Variants in MID2 observed in about 807,000 individuals in gnomAD.
The protein encoded by MID2 is probable E3 ubiquitin-protein ligase MID2.
A neutral mutation model predicts 46.1 loss-of-function variants in MID2; 13 were observed. The ratio of observed to expected loss-of-function variants is 0.28; its 90% CI spans 0.18 to 0.45. The LOEUF (loss-of-function observed/expected upper bound fraction) is 0.45, where lower values mean the gene tolerates loss of function less well. Among genes scored for constraint, MID2 ranks in the 20% least tolerant of loss-of-function variants. The pLI, the probability that MID2 is intolerant of heterozygous loss-of-function variation, is 1.00. For synonymous variants in MID2, 199 were observed against 212.3 expected (o/e 0.94, Z 0.55); for missense variants, 431 against 575.4 (o/e 0.75, Z 2.57).
intron 3 of MID2, among the ~76,000 whole-genome samples, chrX:107,863,707 C>A (rs928025649): frequency 6.2e-5 from 7 of 112,493 alleles, no homozygotes; most frequent in African/African-American, 2.3e-4. Context: ...CTAATCTCTC[C>A]TGCCATCAAC....
intron 3 of MID2, among the ~76,000 whole-genome samples, chrX:107,881,592 T>G (rs186921660): frequency 8.9e-6 from 1 of 112,437 alleles, no homozygotes; most frequent in East Asian, 2.8e-4. Flanking sequence ...ATCTGCCTTT[T>G]CATAAAGGAC....
chrX:107,915,328 G>T (rs990746623), intron 5 of MID2, among the ~76,000 whole-genome samples: 1 of 112,009 alleles, frequency 8.9e-6, no homozygotes, highest in Admixed American at 9.4e-5. Flanking sequence ...AGGCCAAAAC[G>T]GGTGGATCAC....
At chrX:107,846,262 G>C (rs1931475340) in intron 2 of MID2, among the ~76,000 whole-genome samples, 1 of 111,512 alleles carries the variant, frequency 9.0e-6, no homozygotes, top group South Asian at 3.8e-4. Context: ...GGTTACCATA[G>C]GTGAGGGAAA....
At position 107,917,743 on chromosome X, in the gene MID2, A is replaced by G. The variant is rs780207663; in HGVS notation, c.1435+4A>G. 4.2e-6 allele frequency: 5 copies of G among 1,200,040 alleles called. No individual in the cohort carries two copies. Among genetic ancestry groups the G allele is most frequent in the Non-Finnish European group, 5.6e-6 (5 of 885,772 alleles). On this transcript the variant is annotated splice_donor_region_variant and intron_variant, in intron 7 of 9. Coordinates refer to ENST00000262843, the MANE Select transcript of MID2 (RefSeq NM_012216.4). Reference sequence around the variant, plus strand: ...AGATTGGCCGGGGCGCCACGAGGCAAGTGTTTGTAAGACATGTTAGGTTGT... The same window carrying G: ...AGATTGGCCGGGGCGCCACGAGGCAGGTGTTTGTAAGACATGTTAGGTTGT...
chrX:107,839,183 A>G (rs1931272925), intron 1 of MID2, among the ~76,000 whole-genome samples: 1 of 110,596 alleles, frequency 9.0e-6, no homozygotes, highest in African/African-American at 3.3e-5. Flanking sequence ...AGTCAGTAAG[A>G]TATGTTTTAT....
intron 3 of MID2, chrX:107,895,555 A>G (rs766165424): frequency 1.3e-4 from 15 of 112,101 alleles, no homozygotes; most frequent in Non-Finnish European, 2.6e-4. Context: ...ATATTCTACA[A>G]TTTGTTTATA....
chrX:107,889,734 C>G (rs972307721), intron 3 of MID2, among the ~76,000 whole-genome samples: 2 of 112,188 alleles, frequency 1.8e-5, no homozygotes, highest in African/African-American at 6.5e-5. Flanking sequence ...GTTCCATTCT[C>G]CCCGTCACTT....
chrX:107,854,729 T>C, intron 3 of MID2, 25 bp downstream of exon 3: 1 of 1,108,113 alleles, frequency 9.0e-7, no homozygotes, highest in Non-Finnish European at 1.2e-6. Context: ...CATTTGTGAT[T>C]TTTCAGAGGA....
chrX:107,828,310 CTTTTTTTTTTT>C (rs766362742), intron 1 of MID2, among the ~76,000 whole-genome samples: 2 of 83,023 alleles, frequency 2.4e-5, no homozygotes, highest in African/African-American at 1.1e-4. Context: ...TCTTTCTTTT[CTTTTTTTTTTT>C]TTTTTTTTGA....
At chrX:107,847,098 C>T (rs758315646) in intron 2 of MID2, among the ~76,000 whole-genome samples, 13 of 112,376 alleles carry the variant, frequency 1.2e-4, no homozygotes, top group African/African-American at 2.3e-4. Context: ...CTTTGTCTCA[C>T]ATGAAGCTAG....
At chrX:107,871,318 G>A (rs894496802) in intron 3 of MID2, among the ~76,000 whole-genome samples, 2 of 111,578 alleles carry the variant, frequency 1.8e-5, no homozygotes, top group Non-Finnish European at 3.8e-5. Context: ...TGGCCCCACC[G>A]TGTTCCACGC....
At position 107,889,468 on chromosome X, in the gene MID2, T is replaced by C. The variant is rs1932545703; in HGVS notation, c.817-14490T>C. ...TTGGCCCCCACTCTCTTCTGGCTTG[T>C]AGAGTTTCTGCCGAGAGATCCGCTG... On this transcript the variant is annotated intron_variant, in intron 3 of 9. Coordinates refer to ENST00000262843, the MANE Select transcript of MID2 (RefSeq NM_012216.4). Among the ~76,000 whole-genome samples, 3 of 112,118 alleles carry C rather than the reference T, an allele frequency of 2.7e-5. No individual in the cohort carries two copies. The East Asian group carries it at 8.4e-4, about 31-fold the overall frequency.
intron 1 of MID2, among the ~76,000 whole-genome samples, chrX:107,834,047 G>A (rs1379813853): frequency 9.0e-6 from 1 of 111,413 alleles, no homozygotes; most frequent in Non-Finnish European, 1.9e-5. Flanking sequence ...GCCTGCCTCT[G>A]CCTCCCAAAG....
chrX:107,928,403 A>AT lies in MID2; in HGVS notation c.*1341dup, dbSNP rs1187219390. Among the ~76,000 whole-genome samples, 68 of 107,506 alleles carry AT rather than the reference A, an allele frequency of 6.3e-4. No homozygotes were observed. The highest frequency in any genetic ancestry group is 8.0e-4 in the South Asian group (2 of 2,512). 93.4% of individuals were successfully genotyped at this position (107,506 alleles called of 115,157 possible). ...AGGGAATGGAGCCTTGTAGTCTATG[A>AT]TTTTTTTTTTTAAATTTCCATCGAA... is the stretch of plus-strand genomic sequence containing the variant. On this transcript the variant is annotated 3_prime_UTR_variant, in exon 10 of 10. Transcript: ENST00000262843.
intron 5 of MID2, among the ~76,000 whole-genome samples, chrX:107,911,422 T>C (rs1932895952): frequency 1.8e-5 from 2 of 112,069 alleles, no homozygotes; most frequent in African/African-American, 6.5e-5. Flanking sequence ...CATTAAATCC[T>C]TCTATTGAAA....
At position 107,926,118 on chromosome X, in the gene MID2, A is replaced by G. The variant is rs1177272734; in HGVS notation, c.1622A>G (p.Lys541Arg). The G allele has an allele frequency of 2.5e-6, 3 of 1,207,832 alleles. No individual in the cohort carries two copies. Among genetic ancestry groups the G allele is most frequent in the African/African-American group, 1.7e-5 (1 of 57,502 alleles). The part of the protein sequence containing the change: ...TNSQPFKLDP[K>R]MTHKKLKISN... The stretch of plus-strand genomic sequence containing the variant: ...GGCCAACCCTTTAAATTGGATCCCA[A>G]AATGACTCACAAGAAGTTGAAGATC... Residue 541 changes from lysine (K) to arginine (R), a missense_variant, in exon 9 of 10, where the codon AAA becomes AGA. Lys to Arg is a conservative substitution (Grantham distance 26). Transcript: ENST00000262843.
chrX:107,860,017 C>A (rs1931823546), intron 3 of MID2, among the ~76,000 whole-genome samples: 1 of 111,679 alleles, frequency 9.0e-6, no homozygotes, highest in African/African-American at 3.3e-5. Context: ...TGAATAAAAT[C>A]TGTATTTAAG....
intron 2 of MID2, among the ~76,000 whole-genome samples, chrX:107,845,521 A>T (rs759799381): frequency 0.032 from 2,707 of 85,113 alleles, 59 homozygotes; most frequent in Middle Eastern, 0.11. Flanking sequence ...ACACACACAC[A>T]CACACTCTCT....
At chrX:107,899,173 C>T (rs1371757035) in intron 3 of MID2, among the ~76,000 whole-genome samples, 2 of 91,514 alleles carry the variant, frequency 2.2e-5, no homozygotes, top group African/African-American at 8.8e-5. Context: ...CTCCCCTGCC[C>T]CCTCCCCCTC....
Sources: gnomAD v4.1 joint callset for allele counts (sites outside exome capture counted in the v4.1 genomes callset) on GRCh38, gnomAD v4.1.1 for gene constraint, MANE v1.5 for transcripts, NCBI Gene and HGNC (gene_info 2026-07-23, HGNC 2026-07-21) for gene names.